Variants in CEMIP2 observed in about 807,000 individuals in gnomAD.
CEMIP2 encodes the protein cell surface hyaluronidase CEMIP2.
Under a neutral mutation model 146.9 loss-of-function variants are expected in CEMIP2, and 79 were observed. The observed-to-expected ratio is 0.54, with a 90% confidence interval of 0.45 to 0.65. The LOEUF (loss-of-function observed/expected upper bound fraction) is 0.65. Among genes scored for constraint, CEMIP2 ranks in the 30% least tolerant of loss-of-function variants. The pLI is 0.00. For missense variants in CEMIP2, 1,596 were observed against 1,696.2 expected, an observed-to-expected ratio of 0.94 and a Z score of 1.04; for synonymous variants, 601 against 606.3, an observed-to-expected ratio of 0.99 and a Z score of 0.13.
rs377583923 is a variant in CEMIP2 at position 71,741,958 on chromosome 9, T to G, written c.1035-1726A>C. Reference sequence around the variant, plus strand: ...ACCACACCCGGCCTAAAAACATTTCTGATACTAAATATCTGAGAGACATGC... The same window carrying G: ...ACCACACCCGGCCTAAAAACATTTCGGATACTAAATATCTGAGAGACATGC... On this transcript the variant is annotated intron_variant, in intron 4 of 23. Transcript: ENST00000377044. 4.6e-5 allele frequency among the ~76,000 whole-genome samples: 7 copies of G among 152,192 alleles called. No homozygotes were observed. The East Asian group carries it at 7.7e-4, about 17-fold the overall frequency.
At chr9:71,734,528 C>T (rs1439313900) in intron 6 of CEMIP2, among the ~76,000 whole-genome samples, 1 of 152,108 alleles carries the variant, frequency 6.6e-6, no homozygotes, top group Non-Finnish European at 1.5e-5. Flanking sequence ...TAGAAAAGAC[C>T]TTGGAAAATC....
At chr9:71,697,680 C>CAGAATCAAACATCTGAGAA (rs1563996320) in intron 20 of CEMIP2, 10 of 275,560 alleles carry the variant, frequency 3.6e-5, no homozygotes, top group Non-Finnish European at 6.8e-5. Flanking sequence ...CATATTGCAA[C>CAGAATCAAACATCTGAGAA]AGAATCAAAC....
At chr9:71,761,429 T>C (rs1220125864) in intron 1 of CEMIP2, among the ~76,000 whole-genome samples, 1 of 152,232 alleles carries the variant, frequency 6.6e-6, no homozygotes, top group East Asian at 1.9e-4. Flanking sequence ...GGGGTATGTT[T>C]TGATGTGCCT....
At chr9:71,744,868 C>A in intron 4 of CEMIP2, 150 bp downstream of exon 4, 4 of 813,616 alleles carry the variant, frequency 4.9e-6, no homozygotes, top group Admixed American at 2.7e-5. Flanking sequence ...ATCCTCCAGC[C>A]CCATGTCTCA....
In CEMIP2 at chr9:71,735,366, T is replaced by C. The variant is rs574650887; in HGVS notation, c.1205-372A>G. 3.9e-5 allele frequency among the ~76,000 whole-genome samples: 6 copies of C among 152,208 alleles called. No individual in the cohort carries two copies. In the South Asian group the frequency reaches 1.2e-3, roughly 32 times the overall value. On this transcript the variant is annotated intron_variant, in intron 5 of 23. Coordinates refer to ENST00000377044, the MANE Select transcript of CEMIP2 (RefSeq NM_013390.3). ...CCAAACCATCCTAATATGTGACAAG[T>C]ACATATATTCCAGCAGAAGTTGTCA...
In CEMIP2 at chr9:71,745,109, C is replaced by T; in HGVS notation, c.943G>A (p.Gly315Arg). 6.2e-7 allele frequency: 1 copy of T among 1,614,126 alleles called. No homozygotes were observed. The highest frequency in any genetic ancestry group is 8.5e-7 in the Non-Finnish European group (1 of 1,180,000). ...DPGRIVAIAV[G>R]DSAAKSLLQG... Reference sequence around the variant, plus strand: ...AAGAGACTTTTAGCGGCTGAATCCCCGACAGCTATGGCAACAATCCGACCT... The same window carrying T: ...AAGAGACTTTTAGCGGCTGAATCCCTGACAGCTATGGCAACAATCCGACCT... Residue 315 changes from glycine (G) to arginine (R), a missense_variant, in exon 4 of 24, where the codon GGG (glycine) becomes AGG (arginine). Coordinates refer to ENST00000377044, the MANE Select transcript of CEMIP2 (RefSeq NM_013390.3).
intron 15 of CEMIP2, among the ~76,000 whole-genome samples, chr9:71,712,597 T>A (rs1189577057): frequency 6.6e-6 from 1 of 152,192 alleles, no homozygotes; most frequent in African/African-American, 2.4e-5. Flanking sequence ...TCAGTTAAGA[T>A]CTTTTATTCG....
chr9:71,734,473 A>C (rs1239033620), intron 6 of CEMIP2, among the ~76,000 whole-genome samples: 1 of 152,214 alleles, frequency 6.6e-6, no homozygotes, highest in Admixed American at 6.5e-5. Context: ...TTACCTATGT[A>C]ATGAACCTAC....
chr9:71,685,963 C>A, intron 22 of CEMIP2, 117 bp from the exon 23 acceptor site: 2 of 721,768 alleles, frequency 2.8e-6, no homozygotes, highest in Admixed American at 2.8e-5. Context: ...AAGCAGAACT[C>A]CAAAAAGAAA....
At position 71,709,418 on chromosome 9, in the gene CEMIP2, C is replaced by T. The variant is rs1822843272; in HGVS notation, c.2826G>A (p.Met942Ile). 1.9e-6 allele frequency: 3 copies of T among 1,614,044 alleles called. No individual in the cohort carries two copies. The highest frequency in any genetic ancestry group is 2.5e-6 in the Non-Finnish European group (3 of 1,180,008). The stretch of plus-strand genomic sequence containing the variant: ...GGAATATGGAGTTCTTATCACCATC[C>T]ATCTCACAATCTTCAAACCAGGGAC... ...KPGPWFEDCEMDGDKNSIFHD... is the reference protein window; with the variant it reads ...KPGPWFEDCEIDGDKNSIFHD... Residue 942 changes from methionine to isoleucine, a missense_variant, in exon 17 of 24, where the codon ATG becomes ATA. Transcript: ENST00000377044.
At chr9:71,752,459 A>AG (rs1824280822) in intron 1 of CEMIP2, among the ~76,000 whole-genome samples, 1 of 54 alleles carries the variant, frequency 0.019, no homozygotes, top group Non-Finnish European at 0.036. Context: ...ATTTGCCAAG[A>AG]GGAAGGAAGG....
intron 4 of CEMIP2, among the ~76,000 whole-genome samples, chr9:71,744,527 A>G (rs1408755925): frequency 6.6e-6 from 1 of 152,140 alleles, no homozygotes. Context: ...GCAGATTCCA[A>G]TCAGCCTGCA....
At chr9:71,729,293 C>A (rs1419241539) in intron 10 of CEMIP2, among the ~76,000 whole-genome samples, 2 of 152,034 alleles carry the variant, frequency 1.3e-5, no homozygotes, top group Admixed American at 1.3e-4. Flanking sequence ...TTCTTTTCCC[C>A]CTTTGGCATC....
At chr9:71,722,632 G>A in intron 11 of CEMIP2, 117 bp from the exon 12 acceptor site, 1 of 693,656 alleles carries the variant, frequency 1.4e-6, no homozygotes, top group Non-Finnish European at 2.3e-6. Context: ...AGTGGGGCAG[G>A]GAATCAACAG....
rs772448411 is a variant in CEMIP2, at chr9:71,685,309, C to G, written c.4040G>C (p.Gly1347Ala). 2 of 1,610,836 alleles carry G rather than the reference C, an allele frequency of 1.2e-6. No individual in the cohort carries two copies. Among genetic ancestry groups the G allele is most frequent in the East Asian group, 2.2e-5 (1 of 44,764 alleles). The stretch of plus-strand genomic sequence containing the variant: ...CAAAGGTATGAATTGTTCAAGCACC[C>G]CAAGGCCCTGTCCAGCAGGACTGGT... ...LFTSPAGQGL[G>A]VLEQFIPLQL... The change falls in exon 24 of 24, where the codon GGG becomes GCG. Residue 1347 changes from glycine to alanine, a missense_variant. Transcript: ENST00000377044.
Position 71,728,293 on chromosome 9 carries a change from A to ACACG in CEMIP2, c.2049+1551_2049+1552insCGTG, listed in dbSNP as rs1453330817. ...TATATATATATATGTATATATATAT[A>ACACG]TATATATACATATATATATATATAC... On this transcript the variant is annotated intron_variant, in intron 10 of 23. Transcript: ENST00000377044. 7.6e-5 allele frequency among the ~76,000 whole-genome samples: 3 copies of ACACG among 39,562 alleles called. 1 individual carries two copies. The highest frequency in any genetic ancestry group is 1.9e-4 in the African/African-American group (2 of 10,644). 26.0% of individuals were successfully genotyped at this position (39,562 alleles called of 152,430 possible). A position where few individuals can be genotyped will look rare whatever the true frequency, so the allele number is the denominator to read the frequency against.
chr9:71,715,100 G>A lies in CEMIP2; in HGVS notation c.2436-11C>T. On this transcript the variant is annotated splice_polypyrimidine_tract_variant and intron_variant, in intron 14 of 23. Coordinates refer to ENST00000377044, the MANE Select transcript of CEMIP2 (RefSeq NM_013390.3). ...GGGAAGCTTCCATCACTGTTAAAAT[G>A]CGAACAATCATTAGCTACATTTCTC... 1 of 1,612,394 alleles carries A rather than the reference G, an allele frequency of 6.2e-7. No homozygotes were observed. The highest frequency in any genetic ancestry group is 8.5e-7 in the Non-Finnish European group (1 of 1,179,338).
intron 21 of CEMIP2, among the ~76,000 whole-genome samples, chr9:71,691,579 G>GA (rs1308512262): frequency 2.0e-5 from 3 of 151,784 alleles, no homozygotes; most frequent in Non-Finnish European, 4.4e-5. Flanking sequence ...GTACACTTAA[G>GA]AAAAAAAATA....
At chr9:71,691,061 C>T (rs890402357) in intron 21 of CEMIP2, among the ~76,000 whole-genome samples, 3 of 152,302 alleles carry the variant, frequency 2.0e-5, no homozygotes, top group African/African-American at 4.8e-5. Flanking sequence ...TACCACTACA[C>T]CTGTCCATGC....
Sources: allele counts gnomAD v4.1 joint callset (sites outside exome capture counted in the v4.1 genomes callset), GRCh38; gene constraint gnomAD v4.1.1; transcripts MANE v1.5; gene names NCBI Gene and HGNC (gene_info 2026-07-23, HGNC 2026-07-21).